The following FER variants were observed in gnomAD, a reference collection of about 807,000 sequenced individuals.
The protein encoded by FER is FER tyrosine kinase.
Under a neutral mutation model 111.0 loss-of-function variants are expected in FER, and 63 were observed. The ratio of observed to expected loss-of-function variants is 0.57; its 90% CI spans 0.46 to 0.70. The LOEUF is 0.70. Ranked by LOEUF, FER falls within the 30% of genes least tolerant of loss-of-function variation. The probability of loss-of-function intolerance (pLI) is 0.00; values close to 1 mark genes in which losing one functional copy is unlikely to be tolerated. For missense variants in FER, 914 were observed against 954.0 expected (o/e 0.96, Z 0.55); for synonymous variants, 327 against 313.9 (o/e 1.04, Z -0.44).
At position 108,897,692 on chromosome 5, in the gene FER, TGAA is replaced by T; in HGVS notation, c.1084_1086del (p.Glu362del). ...TTCTGCTAAGCCAAAAACAGGCACT[TGAA>T]GAACTGAAACAGTCAGTCCAGCAGC... is the stretch of plus-strand genomic sequence containing the variant. On this transcript the variant is annotated inframe_deletion, in exon 10 of 20. Coordinates refer to ENST00000281092, the MANE Select transcript of FER (RefSeq NM_005246.4). 6.2e-7 allele frequency: 1 copy of T among 1,604,136 alleles called. No homozygotes were observed. Among genetic ancestry groups the T allele is most frequent in the Middle Eastern group, 1.7e-4 (1 of 6,016 alleles).
intron 1 of FER, among the ~76,000 whole-genome samples, chr5:108,766,278 C>T (rs1340093496): frequency 1.3e-5 from 2 of 152,112 alleles, no homozygotes; most frequent in South Asian, 2.1e-4. Flanking sequence ...TGAATTTTAT[C>T]GTTTTATATA....
chr5:109,141,350 ATTCT>A lies in FER; in HGVS notation c.2049-39389_2049-39386del, dbSNP rs981228116. 6.3e-4 allele frequency among the ~76,000 whole-genome samples: 96 copies of A among 152,352 alleles called. 2 individuals are homozygous for A. Among genetic ancestry groups the A allele is most frequent in the African/African-American group, 2.1e-3 (86 of 41,590 alleles). On this transcript the variant is annotated intron_variant, in intron 17 of 19. Transcript: ENST00000281092. ...TAAAATACTTGAAGATAAAGGCAGC[ATTCT>A]TTCTTTCCTCTGCATTGGGCTTGAT... is the stretch of plus-strand genomic sequence containing the variant.
intron 17 of FER, among the ~76,000 whole-genome samples, chr5:109,150,959 T>A (rs1754771313): frequency 6.6e-6 from 1 of 152,160 alleles, no homozygotes; most frequent in South Asian, 2.1e-4. Context: ...TTAATACAAT[T>A]GTATTGGAAA....
chr5:108,921,455 G>A (rs895012930), intron 10 of FER, among the ~76,000 whole-genome samples: 6 of 152,082 alleles, frequency 3.9e-5, no homozygotes, highest in Non-Finnish European at 7.4e-5. Flanking sequence ...TATTTCCTCT[G>A]CCTTGTACAG....
chr5:109,051,674 G>A lies in FER; in HGVS notation c.1924+4476G>A, dbSNP rs1252643976. 5.1e-6 allele frequency: 8 copies of A among 1,574,416 alleles called. No individual in the cohort carries two copies. The Admixed American group carries it at 1.3e-4, about 26-fold the overall frequency. On this transcript the variant is annotated intron_variant, in intron 16 of 19. Coordinates refer to ENST00000281092, the MANE Select transcript of FER (RefSeq NM_005246.4). ...CAGCCATTGAAATAAGCATATTTTT[G>A]AGACCCACAGTCTTTGGCGGGGCTC...
chr5:109,059,270 C>T (rs1774064965), intron 16 of FER, among the ~76,000 whole-genome samples: 1 of 151,716 alleles, frequency 6.6e-6, no homozygotes, highest in Admixed American at 6.6e-5. Context: ...ATGAAAAGCA[C>T]TGGAGAAACT....
intron 5 of FER, among the ~76,000 whole-genome samples, chr5:108,844,913 A>G (rs566750572): frequency 1.4e-5 from 2 of 145,916 alleles, no homozygotes; most frequent in South Asian, 2.2e-4. Flanking sequence ...TTTCCTGTTA[A>G]TAGGCATTTG....
rs565539478 is a variant in FER, at chr5:109,029,224, T to C, written c.1657-8198T>C. ...ACCTACGTCCTTTTAGGCTTTCTTT[T>C]TTTTTTTTTTTTCTTCTTACCTTTT... is the stretch of plus-strand genomic sequence containing the variant. On this transcript the variant is annotated intron_variant, in intron 13 of 19. Coordinates refer to ENST00000281092, the MANE Select transcript of FER (RefSeq NM_005246.4). 1.4e-3 allele frequency among the ~76,000 whole-genome samples: 204 copies of C among 150,078 alleles called. 2 individuals are homozygous for C. The highest frequency in any genetic ancestry group is 4.6e-3 in the African/African-American group (187 of 40,982).
chr5:108,934,127 G>T (rs1755107399), intron 10 of FER, among the ~76,000 whole-genome samples: 1 of 152,082 alleles, frequency 6.6e-6, no homozygotes, highest in Non-Finnish European at 1.5e-5. Flanking sequence ...GTGAGACAGG[G>T]CATCCTTGTC....
chr5:109,046,373 A>C (rs1771975094), intron 15 of FER, among the ~76,000 whole-genome samples: 1 of 152,080 alleles, frequency 6.6e-6, no homozygotes, highest in South Asian at 2.1e-4. Flanking sequence ...GCGCTACCCT[A>C]GCAGCTTACA....
intron 5 of FER, among the ~76,000 whole-genome samples, chr5:108,861,960 T>TA (rs1763564575): frequency 6.6e-6 from 1 of 152,170 alleles, no homozygotes; most frequent in South Asian, 2.1e-4. Flanking sequence ...TCTTTGTTTT[T>TA]ACCTGCAAGG....
At chr5:108,843,970 G>C (rs1761543768) in intron 5 of FER, among the ~76,000 whole-genome samples, 1 of 151,338 alleles carries the variant, frequency 6.6e-6, no homozygotes, top group South Asian at 2.1e-4. Context: ...TCACGGCTAG[G>C]CTTCTGCTGT....
chr5:108,771,774 A>G (rs1047404277), intron 2 of FER, among the ~76,000 whole-genome samples: 7 of 152,208 alleles, frequency 4.6e-5, no homozygotes, highest in Non-Finnish European at 1.0e-4. Flanking sequence ...AAACAATATT[A>G]AAGACATCAT....
At chr5:108,753,449 T>A (rs116299734) in intron 1 of FER, among the ~76,000 whole-genome samples, 5,748 of 152,192 alleles carry the variant, frequency 0.038, 189 homozygotes, top group Non-Finnish European at 0.044. Flanking sequence ...CTCCAAAATA[T>A]CTCCAGTTTG....
At chr5:108,899,470 T>A (rs1480832901) in intron 10 of FER, among the ~76,000 whole-genome samples, 1 of 152,150 alleles carries the variant, frequency 6.6e-6, no homozygotes, top group African/African-American at 2.4e-5. Context: ...TGGTTTATAA[T>A]ATTTCCCTGT....
chr5:108,844,119 C>CACATATGTGTGTGA (rs1761613587), intron 5 of FER, among the ~76,000 whole-genome samples: 4 of 94,648 alleles, frequency 4.2e-5, no homozygotes, highest in Non-Finnish European at 9.4e-5. Context: ...TGTGTGTGAA[C>CACATATGTGTGTGA]ACATATATGT....
At chr5:108,822,748 ATTTTATTTTAT>A (rs1401367369) in intron 3 of FER, among the ~76,000 whole-genome samples, 1 of 102,390 alleles carries the variant, frequency 9.8e-6, no homozygotes, top group African/African-American at 3.6e-5. Context: ...ATTTTATTTT[ATTTTATTTTAT>A]TTTATTTATT....
intron 4 of FER, among the ~76,000 whole-genome samples, chr5:108,833,467 G>A (rs1165469815): frequency 1.4e-5 from 2 of 144,700 alleles, no homozygotes; most frequent in African/African-American, 2.7e-5. Flanking sequence ...AATAGTCACC[G>A]TTTTTTCTAT....
chr5:108,962,931 A>G (rs376659227), intron 13 of FER, among the ~76,000 whole-genome samples: 8 of 152,332 alleles, frequency 5.3e-5, no homozygotes, highest in African/African-American at 1.9e-4. Context: ...TTTAGAGGCT[A>G]AAATAAACTG....
Sources: gnomAD v4.1 joint callset for allele counts (sites outside exome capture counted in the v4.1 genomes callset) on GRCh38, gnomAD v4.1.1 for gene constraint, MANE v1.5 for transcripts, NCBI Gene and HGNC (gene_info 2026-07-23, HGNC 2026-07-21) for gene names.